Variants in ZBTB40 observed in about 807,000 individuals in gnomAD.
The protein encoded by ZBTB40 is zinc finger and BTB domain-containing protein 40.
ZBTB40 carries 60 observed loss-of-function variants against 117.5 expected under a neutral mutation model. The ratio of observed to expected loss-of-function variants is 0.51; its 90% CI spans 0.41 to 0.63. The LOEUF (loss-of-function observed/expected upper bound fraction) is 0.63, where lower values mean the gene tolerates loss of function less well. Among genes scored for constraint, ZBTB40 ranks in the 30% least tolerant of loss-of-function variants. ZBTB40 has a pLI of 0.00. For synonymous variants in ZBTB40, 525 were observed against 577.1 expected, an observed-to-expected ratio of 0.91 and a Z score of 1.29; for missense variants, 1,287 against 1,498.5, an observed-to-expected ratio of 0.86 and a Z score of 2.33.
At chr1:22,473,069 A>C (rs1477066142) in intron 1 of ZBTB40, among the ~76,000 whole-genome samples, 1 of 152,194 alleles carries the variant, frequency 6.6e-6, no homozygotes, top group African/African-American at 2.4e-5. Context: ...TCTAGAGGTG[A>C]AGTGTTGCTT....
intron 1 of ZBTB40, among the ~76,000 whole-genome samples, chr1:22,430,401 T>G (rs7522662): frequency 6.6e-6 from 1 of 152,148 alleles, no homozygotes; most frequent in African/African-American, 2.4e-5. Context: ...CCAGCCTAGG[T>G]AACATAGCAA....
chr1:22,496,015 C>T (rs1207656876), intron 3 of ZBTB40, among the ~76,000 whole-genome samples: 2 of 152,186 alleles, frequency 1.3e-5, no homozygotes, highest in East Asian at 3.8e-4. Flanking sequence ...GTTCTCTCAT[C>T]TGTATTTTCT....
chr1:22,469,011 T>A lies in ZBTB40; in HGVS notation c.-70+17007T>A, dbSNP rs192060647. On this transcript the variant is annotated intron_variant, in intron 1 of 17. Transcript: ENST00000375647. ...TTGGCTAATTTTTTGGTATTTTTTT[T>A]AGAGATGGAGTGTCACTATGTTGCC... Among the ~76,000 whole-genome samples, 68 of 151,954 alleles carry A rather than the reference T, an allele frequency of 4.5e-4. No individual in the cohort carries two copies. The East Asian group carries it at 0.013, about 29-fold the overall frequency.
intron 3 of ZBTB40, among the ~76,000 whole-genome samples, chr1:22,494,119 A>G (rs1638709398): frequency 1.3e-5 from 2 of 152,322 alleles, no homozygotes; most frequent in South Asian, 4.1e-4. Flanking sequence ...TTGTTTTTAC[A>G]TTAACTCAGT....
In ZBTB40 at chr1:22,528,476, CT is replaced by C. The variant is rs1289922793; in HGVS notation, c.*2081del. 1 of 152,296 alleles carries C rather than the reference CT, an allele frequency of 6.6e-6. No individual in the cohort carries two copies. Among genetic ancestry groups the C allele is most frequent in the Non-Finnish European group, 1.5e-5 (1 of 68,026 alleles). The allele number at this position is 152,296 out of a possible 1,614,324, so 9.4% of individuals were successfully genotyped here. On this transcript the variant is annotated 3_prime_UTR_variant, in exon 18 of 18. Coordinates refer to ENST00000375647, the MANE Select transcript of ZBTB40 (RefSeq NM_014870.4). ...AAAAAACTCTTCGGAATAAAGAGGG[CT>C]GTAAATTTTGAATTCCAGTGTCAGA...
At position 22,472,323 on chromosome 1, in the gene ZBTB40, A is replaced by G. The variant is rs578134522; in HGVS notation, c.-69-17557A>G. ...CTCAGCCTCCCAAGTAGCCGGGACT[A>G]TAGGCACAGGCCACCACACCTGGCT... On this transcript the variant is annotated intron_variant, in intron 1 of 17. Transcript: ENST00000375647. 5.0e-4 allele frequency among the ~76,000 whole-genome samples: 76 copies of G among 152,092 alleles called. 1 individual carries two copies. The South Asian group carries it at 9.3e-3, about 19-fold the overall frequency.
intron 1 of ZBTB40, among the ~76,000 whole-genome samples, chr1:22,465,655 A>G (rs1641236910): frequency 2.0e-5 from 3 of 152,160 alleles, no homozygotes; most frequent in Admixed American, 6.5e-5. Flanking sequence ...TGCTGATAGC[A>G]GGGAGAAGCC....
intron 1 of ZBTB40, among the ~76,000 whole-genome samples, chr1:22,454,334 G>A (rs1197060338): frequency 1.3e-5 from 2 of 152,200 alleles, no homozygotes; most frequent in Admixed American, 1.3e-4. Flanking sequence ...AGATGGACCT[G>A]GGGCTCTGTT....
At chr1:22,475,167 T>C (rs1341947604) in intron 1 of ZBTB40, among the ~76,000 whole-genome samples, 1 of 152,218 alleles carries the variant, frequency 6.6e-6, no homozygotes, top group Non-Finnish European at 1.5e-5. Context: ...AAACTGTTTA[T>C]TGGGAGGCAA....
intron 1 of ZBTB40, among the ~76,000 whole-genome samples, chr1:22,466,414 T>C (rs766199356): frequency 1.2e-4 from 19 of 152,196 alleles, no homozygotes; most frequent in Non-Finnish European, 2.8e-4. Context: ...GTGGAACTGC[T>C]GGGTCATATG....
chr1:22,524,399 G>A lies in ZBTB40; in HGVS notation c.3480G>A (p.Lys1160=). The change falls in exon 17 of 18, where the codon AAG becomes AAA. Residue 1160 remains lysine, a synonymous_variant. Transcript: ENST00000375647. ...GTCACCTGGAATCTGAGCACCCAAA[G>A]GTGATGAGCACGGAAACCCAGGCCG... ...LDSHLESEHP[K]VMSTETQAAA... is the part of the protein sequence containing the mutation. 1 of 1,614,194 alleles carries A rather than the reference G, an allele frequency of 6.2e-7. No individual in the cohort carries two copies.
intron 5 of ZBTB40, among the ~76,000 whole-genome samples, chr1:22,502,972 C>T (rs1208009680): frequency 6.6e-6 from 1 of 152,108 alleles, no homozygotes. Context: ...AGCATGTGTT[C>T]CCCTCTTTCT....
chr1:22,441,439 G>A (rs1569742068), intron 1 of ZBTB40, among the ~76,000 whole-genome samples: 1 of 119,192 alleles, frequency 8.4e-6, no homozygotes, highest in Non-Finnish European at 1.9e-5. Context: ...GTTCTCTCTT[G>A]TTTCTCTCTG....
At chr1:22,434,452 C>A (rs1240718464) in intron 1 of ZBTB40, among the ~76,000 whole-genome samples, 1 of 152,076 alleles carries the variant, frequency 6.6e-6, no homozygotes, top group Non-Finnish European at 1.5e-5. Flanking sequence ...TTGAATTTAT[C>A]AATCTTTTCT....
rs115527124 is a variant in ZBTB40 at position 22,520,350 on chromosome 1, G to C, written c.3048+75G>C. 11,753 of 1,268,896 alleles carry C rather than the reference G, an allele frequency of 9.3e-3. 88 individuals carry two copies. Among genetic ancestry groups the C allele is most frequent in the Non-Finnish European group, 0.012 (10,383 of 890,084 alleles). 78.6% of individuals were successfully genotyped at this position (1,268,896 alleles called of 1,614,324 possible). A position where few individuals can be genotyped will look rare whatever the true frequency, so the allele number is the denominator to read the frequency against. The stretch of plus-strand genomic sequence containing the variant: ...TCCATTTGATCTTCCCTGATGCCCG[G>C]GTTGGTGGCTTGCAGATCATATCTT... On this transcript the variant is annotated intron_variant, in intron 14 of 17. Transcript: ENST00000375647.
chr1:22,453,714 G>A (rs1172765740), intron 1 of ZBTB40, among the ~76,000 whole-genome samples: 1 of 152,150 alleles, frequency 6.6e-6, no homozygotes. Context: ...GATGTTCGAG[G>A]TTACATAGCT....
chr1:22,503,611 GCA>G (rs34221585), intron 5 of ZBTB40, among the ~76,000 whole-genome samples: 47 of 150,008 alleles, frequency 3.1e-4, no homozygotes, highest in South Asian at 1.5e-3. Flanking sequence ...ATGTGCGCAC[GCA>G]CACACACACA....
chr1:22,502,961 A>C (rs1162152718), intron 5 of ZBTB40, among the ~76,000 whole-genome samples: 5 of 152,192 alleles, frequency 3.3e-5, no homozygotes, highest in African/African-American at 1.2e-4. Context: ...TAACAGGCTG[A>C]AGCATGTGTT....
chr1:22,441,183 A>G (rs956686018), intron 1 of ZBTB40, among the ~76,000 whole-genome samples: 1 of 151,932 alleles, frequency 6.6e-6, no homozygotes, highest in Non-Finnish European at 1.5e-5. Context: ...CAGATTTTCT[A>G]TTTCTTTGTG....
Sources: allele counts gnomAD v4.1 joint callset (sites outside exome capture counted in the v4.1 genomes callset), GRCh38; gene constraint gnomAD v4.1.1; transcripts MANE v1.5; gene names NCBI Gene and HGNC (gene_info 2026-07-23, HGNC 2026-07-21).